Variants in TPR observed in about 807,000 individuals in gnomAD.
TPR encodes the protein translocated promoter region, nuclear basket protein.
TPR carries 51 observed loss-of-function variants against 316.1 expected under a neutral mutation model. That is an observed-to-expected ratio of 0.16 (90% CI 0.13 to 0.20). TPR has a LOEUF of 0.20. Among genes scored for constraint, TPR ranks in the 10% least tolerant of loss-of-function variants. The probability of loss-of-function intolerance (pLI) is 1.00; values close to 1 mark genes in which losing one functional copy is unlikely to be tolerated. For missense variants in TPR, 2,272 were observed against 2,754.8 expected, an observed-to-expected ratio of 0.82 and a Z score of 3.92; for synonymous variants, 981 against 914.7, an observed-to-expected ratio of 1.07 and a Z score of -1.31.
At chr1:186,356,568 A>T (rs1347328013) in intron 14 of TPR, 119 bp from the exon 15 acceptor site, 1 of 1,007,346 alleles carries the variant, frequency 9.9e-7, no homozygotes, top group Non-Finnish European at 1.4e-6. Flanking sequence ...TGTCTCTCTC[A>T]TTATTTTTTT....
At chr1:186,349,814 T>C (rs1269926072) in intron 21 of TPR, among the ~76,000 whole-genome samples, 2 of 152,192 alleles carry the variant, frequency 1.3e-5, no homozygotes, top group Non-Finnish European at 2.9e-5. Context: ...ATATTGGGAA[T>C]ACTGCTTTAA....
At chr1:186,355,214 C>G (rs1658987957) in intron 17 of TPR, among the ~76,000 whole-genome samples, 196 bp downstream of exon 17, 1 of 151,990 alleles carries the variant, frequency 6.6e-6, no homozygotes, top group Non-Finnish European at 1.5e-5. Context: ...TTCAACTTAT[C>G]AAACAAGCTA....
At chr1:186,327,784 T>C in intron 39 of TPR, 124 bp from the exon 40 acceptor site, 1 of 860,486 alleles carries the variant, frequency 1.2e-6, no homozygotes, top group South Asian at 1.9e-5. Flanking sequence ...CAGCATTTAA[T>C]TTAATTTTTT....
intron 18 of TPR, among the ~76,000 whole-genome samples, chr1:186,352,768 T>C (rs980795298): frequency 3.9e-5 from 6 of 152,116 alleles, no homozygotes; most frequent in African/African-American, 1.4e-4. Flanking sequence ...AAGACATGGG[T>C]TCAAGTCCTA....
chr1:186,324,943 G>A (rs1657875143), intron 42 of TPR, among the ~76,000 whole-genome samples: 1 of 151,958 alleles, frequency 6.6e-6, no homozygotes, highest in Admixed American at 6.6e-5. Context: ...TTTGTTCAAA[G>A]TATATCAATT....
intron 18 of TPR, 59 bp from the exon 19 acceptor site, chr1:186,352,169 A>C: frequency 6.8e-7 from 1 of 1,475,376 alleles, no homozygotes; most frequent in African/African-American, 1.4e-5. Context: ...AAGTGTATTA[A>C]GATTATAAAA....
In TPR at chr1:186,333,332, G is replaced by A. The variant is rs868137851; in HGVS notation, c.5245C>T (p.Arg1749Cys). ...PVFGSTSGSV[R>C]STSPNVQPSI... ...GGCTGGACATTAGGACTAGTAGAAC[G>A]AACGGATCCACTTGTGCTTCCAAAA... Residue 1749 changes from arginine to cysteine, a missense_variant, in exon 37 of 51, where the codon CGT becomes TGT. Coordinates refer to ENST00000367478, the MANE Select transcript of TPR (RefSeq NM_003292.3). 27 of 1,613,602 alleles carry A rather than the reference G, an allele frequency of 1.7e-5. No homozygotes were observed. Among genetic ancestry groups the A allele is most frequent in the Admixed American group, 3.3e-5 (2 of 59,920 alleles).
At chr1:186,369,933 T>C (rs1659472470) in intron 3 of TPR, among the ~76,000 whole-genome samples, 1 of 152,102 alleles carries the variant, frequency 6.6e-6, no homozygotes. Context: ...TATGTGACTG[T>C]GTGCACACTA....
intron 3 of TPR, 111 bp from the exon 4 acceptor site, chr1:186,368,093 CTCTTA>C (rs1221439716): frequency 4.9e-6 from 3 of 616,390 alleles, no homozygotes; most frequent in African/African-American, 3.7e-5. Context: ...GACTGGCTTT[CTCTTA>C]TAACTTACAC....
Position 186,344,366 on chromosome 1 carries a change from CAAT to C in TPR, c.3417+6_3417+8del, listed in dbSNP as rs771150974. 14 of 1,611,582 alleles carry C rather than the reference CAAT, an allele frequency of 8.7e-6. No individual in the cohort carries two copies. Among genetic ancestry groups the C allele is most frequent in the Non-Finnish European group, 1.2e-5 (14 of 1,178,960 alleles). On this transcript the variant is annotated splice_donor_region_variant and intron_variant, in intron 25 of 50. Coordinates refer to ENST00000367478, the MANE Select transcript of TPR (RefSeq NM_003292.3). ...CAACAGAACATTCTATTCAGATTTA[CAAT>C]AATACCTTTAACATTCTCTCTCTTT...
In TPR at chr1:186,326,200, A is replaced by C. The variant is rs1307951926; in HGVS notation, c.5925T>G (p.Asp1975Glu). Residue 1975 changes from aspartate to glutamate, a missense_variant, in exon 41 of 51, where the codon GAT becomes GAG. By Grantham distance (45) the Asp-to-Glu change is conservative. Coordinates refer to ENST00000367478, the MANE Select transcript of TPR (RefSeq NM_003292.3). ...CATCTCCCATCCCTGTGTCATCTTCATCATCATCATCATCTTCCTCATCCT... is the reference window on the plus strand; with the variant it reads ...CATCTCCCATCCCTGTGTCATCTTCCTCATCATCATCATCTTCCTCATCCT... ...YEEDEEDDDD[D>E]EDDTGMGDEG... 2 of 1,595,568 alleles carry C rather than the reference A, an allele frequency of 1.3e-6. No homozygotes were observed. The highest frequency in any genetic ancestry group is 8.6e-7 in the Non-Finnish European group (1 of 1,164,374).
At position 186,373,292 on chromosome 1, in the gene TPR, T is replaced by C. The variant is rs937119897; in HGVS notation, c.256+67A>G. 3.8e-6 allele frequency: 4 copies of C among 1,057,948 alleles called. No homozygotes were observed. In the African/African-American group the frequency reaches 4.8e-5, roughly 13 times the overall value. The allele number at this position is 1,057,948 out of a possible 1,614,324, so 65.5% of individuals were successfully genotyped here. ...GTTTAGTAAGCAAATGTTTCCAAAGTATATAAAGGAGTCTCTGAAGATTTC... is the reference window on the plus strand; with the variant it reads ...GTTTAGTAAGCAAATGTTTCCAAAGCATATAAAGGAGTCTCTGAAGATTTC... On this transcript the variant is annotated intron_variant, in intron 2 of 50. Transcript: ENST00000367478.
intron 1 of TPR, 56 bp downstream of exon 1, chr1:186,374,822 A>G: frequency 6.5e-7 from 1 of 1,545,218 alleles, no homozygotes; most frequent in Admixed American, 1.8e-5. Flanking sequence ...GGAAGACCAG[A>G]CCCAAAGGGC....
chr1:186,363,801 TG>T (rs1659259906), intron 4 of TPR, among the ~76,000 whole-genome samples: 1 of 152,084 alleles, frequency 6.6e-6, no homozygotes, highest in Non-Finnish European at 1.5e-5. Context: ...CACAAATCCA[TG>T]ATACAAACTT....
rs201775236 is a variant in TPR, at chr1:186,360,837, G to C, written c.1027C>G (p.Leu343Val). 2.0e-5 allele frequency: 32 copies of C among 1,612,816 alleles called. No homozygotes were observed. The East Asian group carries it at 6.3e-4, about 32-fold the overall frequency. ...QSKDQMEKEMLEKIGRLEKEL... is the reference protein window; with the variant it reads ...QSKDQMEKEMVEKIGRLEKEL... ...TTCTCCAATCTCCCTATTTTCTCAA[G>C]CATTTCTTTTTCCATTTGATCTTTG... The change falls in exon 10 of 51, where the codon CTT (leucine) becomes GTT (valine). Residue 343 changes from leucine to valine, a missense_variant. Coordinates refer to ENST00000367478, the MANE Select transcript of TPR (RefSeq NM_003292.3).
rs1659001958 is a variant in TPR at position 186,355,545 on chromosome 1, A to C, written c.2036T>G (p.Phe679Cys). ...TGCTTTTTCTTTTTTGTAGTTCTCA[A>C]AAATTTCCTGCAACTAAATATTGGA... ...KAALKQLQEI[F>C]ENYKKEKAEN... Residue 679 changes from phenylalanine (F) to cysteine (C), a missense_variant, in exon 17 of 51, where the codon TTT becomes TGT. Transcript: ENST00000367478. The C allele has an allele frequency of 6.2e-7, 1 of 1,611,458 alleles. No individual in the cohort carries two copies. Among genetic ancestry groups the C allele is most frequent in the African/African-American group, 1.3e-5 (1 of 74,554 alleles).
intron 35 of TPR, 145 bp downstream of exon 35, chr1:186,334,920 CATG>C (rs1658293696): frequency 1.3e-6 from 1 of 757,030 alleles, no homozygotes; most frequent in Non-Finnish European, 2.0e-6. Flanking sequence ...CTGGCAAATA[CATG>C]ATACAGTTCT....
intron 21 of TPR, 106 bp from the exon 22 acceptor site, chr1:186,347,564 T>C (rs900689906): frequency 1.3e-5 from 16 of 1,191,156 alleles, no homozygotes; most frequent in Non-Finnish European, 1.7e-5. Context: ...TACAGATATA[T>C]TTAGAAAGTA....
Position 186,373,408 on chromosome 1 carries a change from C to A in TPR, c.207G>T (p.Val69=). ...AGCTTTGACACTCTCGGGTTTCATT[C>A]ACAAGTCTCTCCTGACTGTGGGACA... is the stretch of plus-strand genomic sequence containing the variant. ...KRLSHSQERL[V]NETRECQSLR... The change falls in exon 2 of 51, where the codon GTG becomes GTT. Residue 69 remains valine, a synonymous_variant. Coordinates refer to ENST00000367478, the MANE Select transcript of TPR (RefSeq NM_003292.3). 6.2e-7 allele frequency: 1 copy of A among 1,613,618 alleles called. No individual in the cohort carries two copies. The highest frequency in any genetic ancestry group is 8.5e-7 in the Non-Finnish European group (1 of 1,179,750).
Sources: gnomAD v4.1 joint callset for allele counts (sites outside exome capture counted in the v4.1 genomes callset) on GRCh38, gnomAD v4.1.1 for gene constraint, MANE v1.5 for transcripts, NCBI Gene and HGNC (gene_info 2026-07-23, HGNC 2026-07-21) for gene names.